Variants in SPTB observed in about 807,000 individuals in gnomAD.
SPTB encodes the protein spectrin beta chain, erythrocytic.
SPTB carries 45 observed loss-of-function variants against 256.2 expected under a neutral mutation model. That is an observed-to-expected ratio of 0.18 (90% confidence interval 0.14 to 0.23). The LOEUF (loss-of-function observed/expected upper bound fraction) is 0.23, where lower values mean the gene tolerates loss of function less well. SPTB is among the 10% of genes least tolerant of loss of function. SPTB has a pLI of 1.00. For synonymous variants in SPTB, 1,231 were observed against 1,243.1 expected (o/e 0.99, Z 0.21); for missense variants, 2,715 against 3,040.4 (o/e 0.89, Z 2.52).
At chr14:64,773,575 A>G in intron 24 of SPTB, 151 bp from the exon 25 acceptor site, 2 of 829,646 alleles carry the variant, frequency 2.4e-6, no homozygotes, top group South Asian at 2.8e-5. Context: ...TTGCCGGGGA[A>G]GAGCTGGGGA....
chr14:64,789,448 T>C (rs1481096258), intron 15 of SPTB, among the ~76,000 whole-genome samples: 1 of 151,892 alleles, frequency 6.6e-6, no homozygotes, highest in Non-Finnish European at 1.5e-5. Context: ...ATCCATCAAG[T>C]GGTGATAAGC....
intron 32 of SPTB, chr14:64,754,070 G>A: frequency 1.8e-6 from 1 of 560,182 alleles, no homozygotes; most frequent in Non-Finnish European, 3.2e-6. Flanking sequence ...CATAGCAACG[G>A]AAGGTTCTCA....
At chr14:64,771,154 T>C in intron 26 of SPTB, 25 bp from the exon 27 acceptor site, 2 of 1,612,286 alleles carry the variant, frequency 1.2e-6, no homozygotes, top group South Asian at 2.2e-5. Context: ...AATCAGACAT[T>C]GTTCCCTGGA....
intron 1 of SPTB, among the ~76,000 whole-genome samples, chr14:64,858,850 G>A (rs1425410651): frequency 6.6e-6 from 1 of 152,142 alleles, no homozygotes; most frequent in Non-Finnish European, 1.5e-5. Flanking sequence ...TTTACCAGCT[G>A]CCTTAGCTTA....
At position 64,845,436 on chromosome 14, in the gene SPTB, A is replaced by T. The variant is rs531070342; in HGVS notation, c.-51-22291T>A. Among the ~76,000 whole-genome samples the T allele has an allele frequency of 6.6e-6, 1 of 152,374 alleles. No individual in the cohort carries two copies. The highest frequency in any genetic ancestry group is 1.9e-4 in the East Asian group (1 of 5,190). The stretch of plus-strand genomic sequence containing the variant: ...AAGCCTATTTACAAGTTATAATCTT[A>T]GCCCTTTGATGAAAATACCTGCCAG... On this transcript the variant is annotated intron_variant, in intron 1 of 35. Coordinates refer to ENST00000644917, the MANE Select transcript of SPTB (RefSeq NM_001355436.2). This position sits in a 1 kb window ranked among gnomAD's most constrained non-coding sequence, Gnocchi z 4.8.
At position 64,824,992 on chromosome 14, in the gene SPTB, C is replaced by T. The variant is rs1380302051; in HGVS notation, c.-51-1847G>A. Among the ~76,000 whole-genome samples, 2 of 152,080 alleles carry T rather than the reference C, an allele frequency of 1.3e-5. No homozygotes were observed. Among genetic ancestry groups the T allele is most frequent in the South Asian group, 2.1e-4 (1 of 4,812 alleles). On this transcript the variant is annotated intron_variant, in intron 1 of 35. Coordinates refer to ENST00000644917, the MANE Select transcript of SPTB (RefSeq NM_001355436.2). This position sits in a 1 kb window ranked among gnomAD's most constrained non-coding sequence, Gnocchi z 5.7. ...CCAGGGTCATCCGGTGGAATGACTG[C>T]GGCTGGGACCAAAGGCCAAACTGGA...
chr14:64,786,316 C>G lies in SPTB; in HGVS notation c.3561+88G>C. The G allele has an allele frequency of 6.5e-7, 1 of 1,531,194 alleles. No individual in the cohort carries two copies. The highest frequency in any genetic ancestry group is 9.0e-7 in the Non-Finnish European group (1 of 1,111,864). 94.9% of individuals were successfully genotyped at this position (1,531,194 alleles called of 1,614,324 possible). On this transcript the variant is annotated intron_variant, in intron 16 of 35. Transcript: ENST00000644917. The surrounding 1 kb of genome is among the most constrained non-coding windows in gnomAD (Gnocchi z 5.6). ...GAGTACAAGACAAGAGTAATGTGGT[C>G]CCTGAGTCTTACAGCACATTTGTGG...
In SPTB at chr14:64,785,420, C is replaced by T; in HGVS notation, c.3855+117G>A. 1.1e-6 allele frequency: 1 copy of T among 906,942 alleles called. No individual in the cohort carries two copies. Among genetic ancestry groups the T allele is most frequent in the Non-Finnish European group, 1.8e-6 (1 of 567,858 alleles). 56.2% of individuals were successfully genotyped at this position (906,942 alleles called of 1,614,324 possible). ...AATTAAGTACCCAGAGGTCCCCGCT[C>T]ATGGAATCCCACAGCTCTTGAGCTA... On this transcript the variant is annotated intron_variant, in intron 18 of 35. Transcript: ENST00000644917. This position sits in a 1 kb window ranked among gnomAD's most constrained non-coding sequence, Gnocchi z 4.4.
intron 32 of SPTB, among the ~76,000 whole-genome samples, chr14:64,765,029 T>C (rs1174787334): frequency 1.7e-5 from 2 of 119,240 alleles, no homozygotes; most frequent in Admixed American, 1.9e-4. Context: ...TGTGTGCGTG[T>C]GTGTGTGTGT....
intron 33 of SPTB, 106 bp downstream of exon 33, chr14:64,753,431 G>C: frequency 1.3e-6 from 2 of 1,568,370 alleles, no homozygotes; most frequent in Non-Finnish European, 8.7e-7. Flanking sequence ...CAAGGCAGAA[G>C]GCACCCCTCC....
chr14:64,804,869 C>A lies in SPTB; in HGVS notation c.300+70G>T, dbSNP rs188748120. 1.0e-5 allele frequency: 16 copies of A among 1,599,044 alleles called. No homozygotes were observed. In the East Asian group the frequency reaches 3.3e-4, roughly 33 times the overall value. On this transcript the variant is annotated intron_variant, in intron 3 of 35. Transcript: ENST00000644917. The stretch of plus-strand genomic sequence containing the variant: ...GGGAAGGCCAGGAGAACTTGAGATG[C>A]CCCCAAACCATGCCTTTGCTGAAGA...
In SPTB at chr14:64,779,829, C is replaced by G. The variant is rs371440362; in HGVS notation, c.4369G>C (p.Glu1457Gln). 1.9e-6 allele frequency: 3 copies of G among 1,614,034 alleles called. No homozygotes were observed. Among genetic ancestry groups the G allele is most frequent in the African/African-American group, 2.7e-5 (2 of 74,900 alleles). Residue 1457 changes from glutamate (E) to glutamine (Q), a missense_variant, in exon 21 of 36, where the codon GAG becomes CAG. This residue lies in a region of SPTB where 2,239 missense variants were observed against 2,384.4 expected (regional missense o/e 0.94). Transcript: ENST00000644917. This position sits in a 1 kb window ranked among gnomAD's most constrained non-coding sequence, Gnocchi z 4.2. Reference sequence around the variant, plus strand: ...TCCAGGAGGTCCAGGAACCGCTTCTCGATGCTCAAGTCTGCATCTCCTCCC... The same window carrying G: ...TCCAGGAGGTCCAGGAACCGCTTCTGGATGCTCAAGTCTGCATCTCCTCCC... The part of the protein sequence containing the change: ...EEGGDADLSI[E>Q]KRFLDLLEPL...
chr14:64,752,623 G>T (rs377071426), intron 33 of SPTB, among the ~76,000 whole-genome samples: 4 of 152,306 alleles, frequency 2.6e-5, no homozygotes, highest in African/African-American at 9.6e-5. Context: ...CTAATATAAT[G>T]CCTGGCACAT....
chr14:64,764,446 G>A lies in SPTB; in HGVS notation c.6345+2280C>T, dbSNP rs900606374. ...TTGAGTCACCATCTGGTTTCTTTCC[G>A]GTACCGGGCACAAGCCAGTCTTCCC... On this transcript the variant is annotated intron_variant, in intron 32 of 35. Coordinates refer to ENST00000644917, the MANE Select transcript of SPTB (RefSeq NM_001355436.2). This position sits in a 1 kb window ranked among gnomAD's most constrained non-coding sequence, Gnocchi z 4.2. Among the ~76,000 whole-genome samples the A allele has an allele frequency of 3.9e-5, 6 of 152,180 alleles. No homozygotes were observed. The highest frequency in any genetic ancestry group is 8.8e-5 in the Non-Finnish European group (6 of 68,030).
At chr14:64,877,246 C>T (rs1882868912) in intron 1 of SPTB, among the ~76,000 whole-genome samples, 1 of 151,978 alleles carries the variant, frequency 6.6e-6, no homozygotes, top group East Asian at 1.9e-4. Context: ...GGCTAAGAAC[C>T]TCTGAGCAAA....
Position 64,825,150 on chromosome 14 carries a change from C to G in SPTB, c.-51-2005G>C, listed in dbSNP as rs2083357623. On this transcript the variant is annotated intron_variant, in intron 1 of 35. Coordinates refer to ENST00000644917, the MANE Select transcript of SPTB (RefSeq NM_001355436.2). This position sits in a 1 kb window ranked among gnomAD's most constrained non-coding sequence, Gnocchi z 4.8. ...GGAAAGGACTGGAGCACAGTTTGTTCCCCTCAATCAGAAGGGTTTCAGGAG... is the reference window on the plus strand; with the variant it reads ...GGAAAGGACTGGAGCACAGTTTGTTGCCCTCAATCAGAAGGGTTTCAGGAG... Among the ~76,000 whole-genome samples, 1 of 151,958 alleles carries G rather than the reference C, an allele frequency of 6.6e-6. No individual in the cohort carries two copies. Among genetic ancestry groups the G allele is most frequent in the Non-Finnish European group, 1.5e-5 (1 of 68,004 alleles).
At position 64,771,108 on chromosome 14, in the gene SPTB, C is replaced by A; in HGVS notation, c.5575G>T (p.Ala1859Ser). ...GCATATGCTGTCTGCAGACGGGTGG[C>A]CACGTCCTGGAACTGCTGCACCTGT... ...GVQVQQFQDVATRLQTAYAGE... is the reference protein window; with the variant it reads ...GVQVQQFQDVSTRLQTAYAGE... Residue 1859 changes from alanine (A) to serine (S), a missense_variant, in exon 27 of 36, where the codon GCC (alanine) becomes TCC (serine). Around this residue, in one of 4 missense-constraint regions of SPTB, gnomAD observed 2,239 missense variants for 2,384.4 expected, o/e 0.94. Coordinates refer to ENST00000644917, the MANE Select transcript of SPTB (RefSeq NM_001355436.2). 1 of 1,613,954 alleles carries A rather than the reference C, an allele frequency of 6.2e-7. No homozygotes were observed. Among genetic ancestry groups the A allele is most frequent in the Non-Finnish European group, 8.5e-7 (1 of 1,180,052 alleles).
intron 1 of SPTB, among the ~76,000 whole-genome samples, chr14:64,848,586 G>A (rs1234724010): frequency 6.6e-6 from 1 of 152,126 alleles, no homozygotes; most frequent in East Asian, 1.9e-4. Flanking sequence ...TAATTATTGT[G>A]CATATTACAT....
intron 30 of SPTB, 77 bp downstream of exon 30, chr14:64,767,586 G>A: frequency 6.4e-7 from 1 of 1,561,412 alleles, no homozygotes; most frequent in Non-Finnish European, 8.8e-7. Context: ...CTAACAACTG[G>A]CCTGGAGTCC....
Sources: gnomAD v4.1 joint callset for allele counts (sites outside exome capture counted in the v4.1 genomes callset) on GRCh38, gnomAD v4.1.1 for gene constraint, gnomAD v4.1.1 regional missense constraint, Gnocchi (gnomAD v3.1) non-coding constraint, MANE v1.5 for transcripts, NCBI Gene and HGNC (gene_info 2026-07-23, HGNC 2026-07-21) for gene names.